B4GALT1: variants seen among roughly 807,000 people sequenced by gnomAD.
B4GALT1 encodes the protein N-acetyllactosamine synthase.
B4GALT1 carries 16 observed loss-of-function variants against 34.9 expected under a neutral mutation model. The observed-to-expected ratio is 0.46, with a 90% CI of 0.31 to 0.70. B4GALT1 has a LOEUF of 0.70. B4GALT1 is among the 30% of genes least tolerant of loss of function. The probability of loss-of-function intolerance (pLI) is 0.05; values close to 1 mark genes in which losing one functional copy is unlikely to be tolerated. For missense variants in B4GALT1, 445 were observed against 530.5 expected, an observed-to-expected ratio of 0.84 and a Z score of 1.58; for synonymous variants, 221 against 218.1, an observed-to-expected ratio of 1.01 and a Z score of -0.12.
At chr9:33,107,076 C>T (rs957575427), downstream of B4GALT1, among the ~76,000 whole-genome samples, 3 of 152,144 alleles carry the variant, frequency 2.0e-5, no homozygotes, top group African/African-American at 7.2e-5. Context: ...CTCTGGTTTC[C>T]AGTCTATTGA....
chr9:33,127,949 T>C (rs1391701262), intron 2 of B4GALT1, among the ~76,000 whole-genome samples: 1 of 152,188 alleles, frequency 6.6e-6, no homozygotes, highest in Non-Finnish European at 1.5e-5. Flanking sequence ...GGCCTGAGGA[T>C]GGCACACTCA....
At chr9:33,165,296 T>C (rs1396670453) in intron 1 of B4GALT1, among the ~76,000 whole-genome samples, 1 of 141,872 alleles carries the variant, frequency 7.0e-6, no homozygotes, top group Non-Finnish European at 1.5e-5. Flanking sequence ...GTACACGATC[T>C]CATTTAGTCT....
In B4GALT1 at chr9:33,112,993, T is replaced by C. The variant is rs1430446512; in HGVS notation, c.*461A>G. ...GGGGAGGACGTAACATTAAGAATGG[T>C]TGAAATTTTGTGTTTTTCTGTTAAA... On this transcript the variant is annotated 3_prime_UTR_variant, in exon 6 of 6. Coordinates refer to ENST00000379731, the MANE Select transcript of B4GALT1 (RefSeq NM_001497.4). 7.2e-5 allele frequency: 19 copies of C among 264,580 alleles called. No individual in the cohort carries two copies. The highest frequency in any genetic ancestry group is 9.0e-5 in the Non-Finnish European group (12 of 133,870). The allele number at this position is 264,580 out of a possible 1,614,324, so 16.4% of individuals were successfully genotyped here.
At chr9:33,172,054 C>T (rs1022525446), upstream of B4GALT1, among the ~76,000 whole-genome samples, 6 of 152,202 alleles carry the variant, frequency 3.9e-5, no homozygotes, top group Non-Finnish European at 7.3e-5. Flanking sequence ...GTGTTACCGA[C>T]CAAAGCGCAA....
upstream of B4GALT1, among the ~76,000 whole-genome samples, chr9:33,170,770 C>T (rs554345294): frequency 5.9e-5 from 9 of 152,194 alleles, no homozygotes; most frequent in Non-Finnish European, 1.2e-4. Context: ...GTCCAGCAGT[C>T]CAGACATTAA....
intron 1 of B4GALT1, among the ~76,000 whole-genome samples, chr9:33,147,245 CTTTTT>C (rs59219360): frequency 1.5e-5 from 2 of 136,522 alleles, no homozygotes; most frequent in Non-Finnish European, 1.6e-5. Context: ...ACAAGTCATT[CTTTTT>C]TTTTTTTTTT....
At chr9:33,119,702 C>T (rs528998896) in intron 3 of B4GALT1, among the ~76,000 whole-genome samples, 16 of 152,264 alleles carry the variant, frequency 1.1e-4, no homozygotes, top group Admixed American at 6.5e-4. Context: ...GGTGACAGAG[C>T]AAGACCCTGT....
At chr9:33,134,446 A>T (rs1840238020) in intron 2 of B4GALT1, among the ~76,000 whole-genome samples, 1 of 152,368 alleles carries the variant, frequency 6.6e-6, no homozygotes, top group South Asian at 2.1e-4. Context: ...TAATCTTGAA[A>T]TATCAAAGTT....
the B4GALT1 span, among the ~76,000 whole-genome samples, chr9:33,180,444 A>G: frequency 6.6e-6 from 1 of 152,230 alleles, no homozygotes; most frequent in Non-Finnish European, 1.5e-5. Context: ...ACTAAAAGAC[A>G]GGGCTGAAGG....
intron 1 of B4GALT1, among the ~76,000 whole-genome samples, chr9:33,149,518 C>A (rs1473630896): frequency 6.6e-6 from 1 of 152,146 alleles, no homozygotes; most frequent in East Asian, 1.9e-4. Context: ...CTTCTGACCT[C>A]AAGCAATTTG....
intron 1 of B4GALT1, among the ~76,000 whole-genome samples, chr9:33,147,025 G>T (rs1228519877): frequency 6.6e-6 from 1 of 152,006 alleles, no homozygotes; most frequent in Non-Finnish European, 1.5e-5. Context: ...TCAAGGGAAG[G>T]CAACACAGTA....
At chr9:33,139,799 G>A (rs1279554750) in intron 1 of B4GALT1, among the ~76,000 whole-genome samples, 1 of 152,264 alleles carries the variant, frequency 6.6e-6, no homozygotes, top group Non-Finnish European at 1.5e-5. Flanking sequence ...TTCATGACAG[G>A]CCTCAAGCCG....
downstream of B4GALT1, among the ~76,000 whole-genome samples, chr9:33,109,194 G>A (rs1231498389): frequency 5.3e-5 from 8 of 152,130 alleles, no homozygotes; most frequent in African/African-American, 1.4e-4. Context: ...CGATGATGTA[G>A]TCTATCAGGC....
chr9:33,162,864 C>T (rs1339364618), intron 1 of B4GALT1, among the ~76,000 whole-genome samples: 1 of 152,178 alleles, frequency 6.6e-6, no homozygotes, highest in Non-Finnish European at 1.5e-5. Flanking sequence ...TCTAAGAAAG[C>T]GACCAAGTTT....
At chr9:33,117,086 T>C (rs1839951660) in intron 3 of B4GALT1, among the ~76,000 whole-genome samples, 1 of 152,130 alleles carries the variant, frequency 6.6e-6, no homozygotes, top group Admixed American at 6.5e-5. Flanking sequence ...ATGAAGTCCT[T>C]ATCCAGGAAC....
chr9:33,124,872 G>A (rs1328594636), intron 2 of B4GALT1, among the ~76,000 whole-genome samples: 1 of 152,244 alleles, frequency 6.6e-6, no homozygotes, highest in African/African-American at 2.4e-5. Flanking sequence ...CATGATTAGA[G>A]TTTCTCACAG....
At chr9:33,157,879 T>C (rs1480106158) in intron 1 of B4GALT1, among the ~76,000 whole-genome samples, 1 of 152,206 alleles carries the variant, frequency 6.6e-6, no homozygotes, top group Non-Finnish European at 1.5e-5. Context: ...ATGAGGTGGA[T>C]ACTGTTATTG....
chr9:33,129,145 G>A (rs1564041818), intron 2 of B4GALT1, among the ~76,000 whole-genome samples: 3 of 151,958 alleles, frequency 2.0e-5, no homozygotes, highest in African/African-American at 4.8e-5. Flanking sequence ...CCTTCCCTCT[G>A]CAGGAACAAT....
chr9:33,163,540 C>T (rs1323648724), intron 1 of B4GALT1, among the ~76,000 whole-genome samples: 1 of 152,230 alleles, frequency 6.6e-6, no homozygotes, highest in Non-Finnish European at 1.5e-5. Flanking sequence ...CAGCCTGCCT[C>T]TCTCACCAGT....
Sources: gnomAD v4.1 joint callset for allele counts (sites outside exome capture counted in the v4.1 genomes callset) on GRCh38, gnomAD v4.1.1 for gene constraint, MANE v1.5 for transcripts, NCBI Gene and HGNC (gene_info 2026-07-23, HGNC 2026-07-21) for gene names.